Variants in DACH2 observed in about 807,000 individuals in gnomAD.
The protein encoded by DACH2 is dachshund homolog 2.
A neutral mutation model predicts 35.8 loss-of-function variants in DACH2; 17 were observed. The ratio of observed to expected loss-of-function variants is 0.48; its 90% CI spans 0.33 to 0.71. The LOEUF is 0.71. DACH2 is among the 30% of genes least tolerant of loss of function. DACH2 has a pLI of 0.02. For synonymous variants in DACH2, 195 were observed against 177.3 expected (o/e 1.10, Z -0.79); for missense variants, 469 against 472.7 (o/e 0.99, Z 0.07).
intron 2 of DACH2, among the ~76,000 whole-genome samples, chrX:86,502,701 C>T (rs558824840): frequency 6.5e-4 from 73 of 111,772 alleles, no homozygotes; most frequent in African/African-American, 2.2e-3. Flanking sequence ...AAATAGCATT[C>T]CCTCAAAGCA....
intron 1 of DACH2, among the ~76,000 whole-genome samples, chrX:86,204,029 T>C (rs2032221330): frequency 9.0e-6 from 1 of 111,635 alleles, no homozygotes; most frequent in Non-Finnish European, 1.9e-5. Context: ...TGTTATTATT[T>C]GTGTATTTAA....
intron 4 of DACH2, among the ~76,000 whole-genome samples, chrX:86,668,035 G>A (rs2040720278): frequency 8.9e-6 from 1 of 112,055 alleles, no homozygotes; most frequent in African/African-American, 3.2e-5. Context: ...TAGGGATATT[G>A]CATGAACCAC....
chrX:86,420,750 A>G (rs911675413), intron 2 of DACH2, among the ~76,000 whole-genome samples: 1 of 111,555 alleles, frequency 9.0e-6, no homozygotes, highest in Non-Finnish European at 1.9e-5. Flanking sequence ...GAACACAAGA[A>G]ATTGTAAACG....
chrX:86,298,341 T>A (rs1464041236), intron 1 of DACH2, among the ~76,000 whole-genome samples: 1 of 111,935 alleles, frequency 8.9e-6, no homozygotes, highest in East Asian at 2.8e-4. Context: ...CATGTTATAT[T>A]TTATTTGCTT....
chrX:86,466,934 C>T (rs1355950665), intron 2 of DACH2, among the ~76,000 whole-genome samples: 2 of 111,215 alleles, frequency 1.8e-5, no homozygotes, highest in Non-Finnish European at 3.8e-5. Flanking sequence ...TGGACCTGGG[C>T]AACAAAACCG....
chrX:86,444,945 A>G (rs189994839), intron 2 of DACH2, among the ~76,000 whole-genome samples: 2 of 111,289 alleles, frequency 1.8e-5, no homozygotes, highest in Admixed American at 1.9e-4. Flanking sequence ...GAAAGATATA[A>G]CATAATTTAT....
chrX:86,286,910 C>A (rs143095571), intron 1 of DACH2, among the ~76,000 whole-genome samples: 1,244 of 111,657 alleles, frequency 0.011, 6 homozygotes, highest in Non-Finnish European at 0.016. Context: ...ATTTACACAC[C>A]ACAGTTACTG....
chrX:86,685,940 T>G (rs931485035), intron 4 of DACH2, among the ~76,000 whole-genome samples: 3 of 111,355 alleles, frequency 2.7e-5, no homozygotes, highest in African/African-American at 9.8e-5. Context: ...ATATCCAAGC[T>G]ATATTGGTGG....
chrX:86,366,779 G>A (rs2035812564), intron 1 of DACH2, among the ~76,000 whole-genome samples: 1 of 109,662 alleles, frequency 9.1e-6, no homozygotes, highest in South Asian at 4.0e-4. Flanking sequence ...GTTGAGAAGA[G>A]TCTGCGACCC....
intron 2 of DACH2, among the ~76,000 whole-genome samples, chrX:86,434,190 ATT>A (rs1197497330): frequency 3.6e-5 from 4 of 111,771 alleles, no homozygotes; most frequent in Non-Finnish European, 7.5e-5. Flanking sequence ...GCCGACTTTT[ATT>A]TTTTTATTTT....
At chrX:86,356,328 G>T (rs1425004548) in intron 1 of DACH2, among the ~76,000 whole-genome samples, 3 of 111,511 alleles carry the variant, frequency 2.7e-5, no homozygotes, top group Non-Finnish European at 5.6e-5. Flanking sequence ...GTTTGTTGAA[G>T]ATCAGATGGT....
chrX:86,663,089 TAAGAC>T (rs758121587), intron 4 of DACH2, among the ~76,000 whole-genome samples: 2 of 111,498 alleles, frequency 1.8e-5, no homozygotes, highest in Non-Finnish European at 3.8e-5. Flanking sequence ...TTTTTAATAA[TAAGAC>T]AAGAATATAG....
intron 5 of DACH2, among the ~76,000 whole-genome samples, chrX:86,711,301 C>T (rs772626163): frequency 3.2e-4 from 36 of 111,000 alleles, no homozygotes; most frequent in Admixed American, 5.7e-4. Context: ...CGCTTGAGCC[C>T]GGGAGGCGGA....
intron 4 of DACH2, among the ~76,000 whole-genome samples, chrX:86,661,411 A>G (rs1341852563): frequency 8.9e-6 from 1 of 112,466 alleles, no homozygotes; most frequent in Non-Finnish European, 1.9e-5. Flanking sequence ...TATTCTGGAT[A>G]TTTCATGTAA....
chrX:86,331,559 C>T (rs940729545), intron 1 of DACH2, among the ~76,000 whole-genome samples: 1 of 111,337 alleles, frequency 9.0e-6, no homozygotes, highest in East Asian at 2.8e-4. Flanking sequence ...GCTGACATTG[C>T]TATTAGATAG....
intron 2 of DACH2, among the ~76,000 whole-genome samples, chrX:86,380,603 T>G (rs887992830): frequency 9.1e-6 from 1 of 110,213 alleles, no homozygotes; most frequent in African/African-American, 3.3e-5. Context: ...GGTCTACATT[T>G]TGCTACACTT....
intron 1 of DACH2, chrX:86,160,616 A>G: frequency 2.0e-6 from 1 of 499,254 alleles, no homozygotes; most frequent in Non-Finnish European, 3.6e-6. Context: ...GGCTGCTTTC[A>G]TTGGTGGGCC....
intron 2 of DACH2, among the ~76,000 whole-genome samples, chrX:86,441,704 T>A (rs988476294): frequency 1.8e-5 from 2 of 109,992 alleles, no homozygotes; most frequent in African/African-American, 6.6e-5. Context: ...TATTTTTAAT[T>A]ATTTGAGGAA....
At chrX:86,477,515 G>A (rs982422578) in intron 2 of DACH2, among the ~76,000 whole-genome samples, 1 of 107,902 alleles carries the variant, frequency 9.3e-6, no homozygotes, top group Non-Finnish European at 1.9e-5. Flanking sequence ...TATTGGCAGG[G>A]ATTATATTTT....
Sources: allele counts gnomAD v4.1 joint callset (sites outside exome capture counted in the v4.1 genomes callset), GRCh38; gene constraint gnomAD v4.1.1; transcripts MANE v1.5; gene names NCBI Gene and HGNC (gene_info 2026-07-23, HGNC 2026-07-21).